Variants in CLASP2 observed in about 807,000 individuals in gnomAD.
CLASP2 encodes the protein CLIP-associating protein 2.
Under a neutral mutation model 194.4 loss-of-function variants are expected in CLASP2, and 47 were observed. The ratio of observed to expected loss-of-function variants is 0.24; its 90% CI spans 0.19 to 0.31. The LOEUF (loss-of-function observed/expected upper bound fraction) is 0.31, where lower values mean the gene tolerates loss of function less well. Among genes scored for constraint, CLASP2 ranks in the 10% least tolerant of loss-of-function variants. CLASP2 has a pLI of 1.00. For synonymous variants in CLASP2, 619 were observed against 633.5 expected, an observed-to-expected ratio of 0.98 and a Z score of 0.34; for missense variants, 1,445 against 1,823.6, an observed-to-expected ratio of 0.79 and a Z score of 3.78.
chr3:33,646,122 T>C (rs1403200718), intron 7 of CLASP2, among the ~76,000 whole-genome samples: 1 of 152,094 alleles, frequency 6.6e-6, no homozygotes, highest in Non-Finnish European at 1.5e-5. Context: ...CAATGAACTT[T>C]CTTTACTTAA....
chr3:33,644,645 C>T (rs191476060), intron 8 of CLASP2, 112 bp downstream of exon 8: 58 of 1,144,972 alleles, frequency 5.1e-5, no homozygotes, highest in African/African-American at 7.7e-5. Context: ...GACTCCAGAT[C>T]TGCAATCGTG....
chr3:33,629,980 G>A (rs145815537), intron 9 of CLASP2, among the ~76,000 whole-genome samples: 4 of 152,172 alleles, frequency 2.6e-5, no homozygotes, highest in African/African-American at 4.8e-5. Context: ...CCTTGAAATC[G>A]TGCAGAAGTA....
intron 21 of CLASP2, among the ~76,000 whole-genome samples, chr3:33,588,006 T>C (rs1190995594): frequency 6.6e-6 from 1 of 152,214 alleles, no homozygotes. Context: ...AGGAAACTTG[T>C]AGTTCAGAAA....
At chr3:33,513,925 G>A (rs1051275829) in intron 36 of CLASP2, among the ~76,000 whole-genome samples, 1 of 152,152 alleles carries the variant, frequency 6.6e-6, no homozygotes, top group African/African-American at 2.4e-5. Context: ...CCCATTCTAT[G>A]AGTTGCCTTT....
At chr3:33,708,796 C>T (rs938438250) in intron 1 of CLASP2, among the ~76,000 whole-genome samples, 5 of 151,988 alleles carry the variant, frequency 3.3e-5, no homozygotes, top group African/African-American at 1.2e-4. Flanking sequence ...GATAGCTGTA[C>T]CAATTTACAT....
At chr3:33,629,505 G>C (rs759930138) in intron 9 of CLASP2, among the ~76,000 whole-genome samples, 15 of 152,266 alleles carry the variant, frequency 9.9e-5, no homozygotes, top group Middle Eastern at 6.8e-3. Context: ...GTCATATACT[G>C]AGAGAAGAGA....
rs762039919 is a variant in CLASP2, at chr3:33,496,712, A to G, written c.*1919T>C. The G allele has an allele frequency of 3.9e-5, 6 of 152,218 alleles. No individual in the cohort carries two copies. Among genetic ancestry groups the G allele is most frequent in the Non-Finnish European group, 7.4e-5 (5 of 68,010 alleles). The allele number at this position is 152,218 out of a possible 1,614,324, so 9.4% of individuals were successfully genotyped here. A position where few individuals can be genotyped will look rare whatever the true frequency, so the allele number is the denominator to read the frequency against. ...TAAACCAGAGGTCAAAATTAAATCA[A>G]TATTTTGATTCGAAATGATTACAAA... On this transcript the variant is annotated 3_prime_UTR_variant, in exon 39 of 39. Coordinates refer to ENST00000682230, the MANE Select transcript of CLASP2 (RefSeq NM_001365631.1).
At chr3:33,618,041 C>T (rs936884627) in intron 12 of CLASP2, among the ~76,000 whole-genome samples, 1 of 150,754 alleles carries the variant, frequency 6.6e-6, no homozygotes, top group East Asian at 2.0e-4. Flanking sequence ...CTCTGCCTCC[C>T]GGATTCAAGT....
In CLASP2 at chr3:33,663,530, T is replaced by G; in HGVS notation, c.645-15A>C. On this transcript the variant is annotated splice_polypyrimidine_tract_variant and intron_variant, in intron 6 of 38. Transcript: ENST00000682230. ...TCATTTCTAATCTGGGAATAAAGAATAAATTGGGTTTGTTTGATTTTTTAA... is the reference window on the plus strand; with the variant it reads ...TCATTTCTAATCTGGGAATAAAGAAGAAATTGGGTTTGTTTGATTTTTTAA... 1 of 1,569,272 alleles carries G rather than the reference T, an allele frequency of 6.4e-7. No homozygotes were observed. The highest frequency in any genetic ancestry group is 1.1e-5 in the South Asian group (1 of 89,376).
intron 19 of CLASP2, among the ~76,000 whole-genome samples, chr3:33,595,681 G>C (rs2070116562): frequency 6.6e-6 from 1 of 151,868 alleles, no homozygotes; most frequent in Admixed American, 6.6e-5. Context: ...TTCTCAAATA[G>C]ATTGAGATTT....
intron 38 of CLASP2, among the ~76,000 whole-genome samples, chr3:33,500,803 C>A (rs1188121858): frequency 1.3e-5 from 2 of 152,176 alleles, no homozygotes; most frequent in Admixed American, 1.3e-4. Flanking sequence ...TTCAGAAATT[C>A]TTTAAGTGAC....
chr3:33,716,922 A>C (rs938203123), intron 1 of CLASP2, among the ~76,000 whole-genome samples: 1 of 152,236 alleles, frequency 6.6e-6, no homozygotes, highest in African/African-American at 2.4e-5. Flanking sequence ...GAATCACTTC[A>C]TCCATGGGAA....
At chr3:33,691,219 T>C (rs1280131272) in intron 2 of CLASP2, among the ~76,000 whole-genome samples, 1 of 152,156 alleles carries the variant, frequency 6.6e-6, no homozygotes, top group Non-Finnish European at 1.5e-5. Context: ...GACTACTACA[T>C]AGCTTTTCTT....
chr3:33,637,918 G>GTAATGTA (rs1553628198), intron 8 of CLASP2, among the ~76,000 whole-genome samples: 35 of 152,270 alleles, frequency 2.3e-4, no homozygotes, highest in East Asian at 1.5e-3. Context: ...ATAAAGATCT[G>GTAATGTA]CATTTTCTGT....
chr3:33,667,103 T>A (rs192602648), intron 6 of CLASP2, among the ~76,000 whole-genome samples: 48 of 152,282 alleles, frequency 3.2e-4, no homozygotes, highest in African/African-American at 9.9e-4. Context: ...ACAGTCAAGA[T>A]ACGTGTCTTA....
At chr3:33,602,226 C>T (rs529874963) in intron 18 of CLASP2, among the ~76,000 whole-genome samples, 8 of 152,214 alleles carry the variant, frequency 5.3e-5, no homozygotes, top group African/African-American at 1.9e-4. Flanking sequence ...TTTGGCCAGG[C>T]TGGTCACGAA....
rs567298650 is a variant in CLASP2 at position 33,497,839 on chromosome 3, G to A, written c.*792C>T. 11 of 152,576 alleles carry A rather than the reference G, an allele frequency of 7.2e-5. No homozygotes were observed. The highest frequency in any genetic ancestry group is 2.6e-4 in the African/African-American group (11 of 41,526). The allele number at this position is 152,576 out of a possible 1,614,324, so 9.5% of individuals were successfully genotyped here. A position where few individuals can be genotyped will look rare whatever the true frequency, so the allele number is the denominator to read the frequency against. On this transcript the variant is annotated 3_prime_UTR_variant, in exon 39 of 39. Transcript: ENST00000682230. Reference sequence around the variant, plus strand: ...ACAAAAAAGCATCATTCACAACAAAGATATAAACAAACCAAAATAAACCCT... The same window carrying A: ...ACAAAAAAGCATCATTCACAACAAAAATATAAACAAACCAAAATAAACCCT...
intron 1 of CLASP2, among the ~76,000 whole-genome samples, chr3:33,701,389 C>T (rs771805756): frequency 1.6e-4 from 25 of 152,314 alleles, no homozygotes; most frequent in African/African-American, 4.1e-4. Context: ...ACAAGAGGAT[C>T]GCTGGAGACC....
chr3:33,559,271 T>G, intron 29 of CLASP2, 36 bp downstream of exon 29: 1 of 1,215,302 alleles, frequency 8.2e-7, no homozygotes. Context: ...ATACTTCAAT[T>G]CTTTATAATG....
Sources: gnomAD v4.1 joint callset for allele counts (sites outside exome capture counted in the v4.1 genomes callset) on GRCh38, gnomAD v4.1.1 for gene constraint, MANE v1.5 for transcripts, NCBI Gene and HGNC (gene_info 2026-07-23, HGNC 2026-07-21) for gene names.